SHROOM4: variants seen among roughly 807,000 people sequenced by gnomAD.
The protein encoded by SHROOM4 is shroom family member 4, also known as protein Shroom4.
Under a neutral mutation model 80.3 loss-of-function variants are expected in SHROOM4, and 17 were observed. The ratio of observed to expected loss-of-function variants is 0.21; its 90% confidence interval spans 0.14 to 0.32. The LOEUF (loss-of-function observed/expected upper bound fraction) is 0.32. Among genes scored for constraint, SHROOM4 ranks in the 10% least tolerant of loss-of-function variants. The pLI is 1.00. For synonymous variants in SHROOM4, 400 were observed against 437.5 expected (o/e 0.91, Z 1.07); for missense variants, 993 against 1,140.3 (o/e 0.87, Z 1.86).
At chrX:50,621,166 T>C (rs182976680) in intron 5 of SHROOM4, among the ~76,000 whole-genome samples, 71 of 112,166 alleles carry the variant, frequency 6.3e-4, no homozygotes, top group Non-Finnish European at 1.7e-4. Context: ...CATATTGATA[T>C]CTAAAATTCC....
chrX:50,696,441 C>A (rs1451170235), intron 1 of SHROOM4, among the ~76,000 whole-genome samples: 1 of 111,636 alleles, frequency 9.0e-6, no homozygotes, highest in Non-Finnish European at 1.9e-5. Context: ...TGTCTCAATT[C>A]CCTCCTACGT....
At chrX:50,581,498 C>T in the SHROOM4 span, among the ~76,000 whole-genome samples, 3 of 111,365 alleles carry the variant, frequency 2.7e-5, no homozygotes, top group African/African-American at 9.8e-5. Flanking sequence ...CACTTATAGA[C>T]ACCAAGGAGG....
chrX:50,630,671 T>G (rs1931019139), intron 4 of SHROOM4, among the ~76,000 whole-genome samples: 1 of 112,117 alleles, frequency 8.9e-6, no homozygotes, highest in Non-Finnish European at 1.9e-5. Flanking sequence ...ATTAACATTT[T>G]GATATATTTG....
At chrX:50,625,430 AT>A (rs1930755976) in intron 5 of SHROOM4, among the ~76,000 whole-genome samples, 2 of 112,044 alleles carry the variant, frequency 1.8e-5, no homozygotes, top group Non-Finnish European at 3.8e-5. Context: ...GACACACAAA[AT>A]TACATCTACA....
intron 6 of SHROOM4, among the ~76,000 whole-genome samples, chrX:50,603,522 G>C (rs1929530137): frequency 9.0e-6 from 1 of 111,209 alleles, no homozygotes; most frequent in African/African-American, 3.3e-5. Flanking sequence ...CAGGACTTCA[G>C]CCTGAAAAGG....
At chrX:50,733,747 A>G (rs1557266471) in intron 1 of SHROOM4, among the ~76,000 whole-genome samples, 1 of 112,351 alleles carries the variant, frequency 8.9e-6, no homozygotes, top group Admixed American at 9.5e-5. Flanking sequence ...AATCCACTCA[A>G]CATTGTACTA....
intron 1 of SHROOM4, among the ~76,000 whole-genome samples, chrX:50,753,018 G>A (rs1934955332): frequency 8.9e-6 from 1 of 111,750 alleles, no homozygotes; most frequent in African/African-American, 3.3e-5. Flanking sequence ...GAGTGTCTTG[G>A]GAGAATAGAC....
intron 1 of SHROOM4, among the ~76,000 whole-genome samples, chrX:50,783,245 T>G (rs1557270792): frequency 8.9e-6 from 1 of 111,849 alleles, no homozygotes; most frequent in Non-Finnish European, 1.9e-5. Context: ...ATAAAACTAA[T>G]GTATATAAAT....
At chrX:50,618,677 C>T (rs1557251411) in intron 5 of SHROOM4, among the ~76,000 whole-genome samples, 1 of 111,437 alleles carries the variant, frequency 9.0e-6, no homozygotes, top group African/African-American at 3.3e-5. Context: ...CGTGAGCCAC[C>T]GCACCCAGTC....
chrX:50,608,362 C>A (rs782372208), intron 5 of SHROOM4, among the ~76,000 whole-genome samples, 178 bp from the exon 6 acceptor site: 1 of 111,868 alleles, frequency 8.9e-6, no homozygotes, highest in South Asian at 3.8e-4. Flanking sequence ...ACTGAGCACA[C>A]ACTAAATACT....
intron 1 of SHROOM4, among the ~76,000 whole-genome samples, chrX:50,768,389 A>G (rs999302693): frequency 8.9e-6 from 1 of 112,124 alleles, no homozygotes; most frequent in African/African-American, 3.2e-5. Context: ...ACAAAACAAA[A>G]CACTCAGAAG....
intron 5 of SHROOM4, among the ~76,000 whole-genome samples, chrX:50,609,036 G>A (rs1439228008): frequency 9.0e-6 from 1 of 111,693 alleles, no homozygotes; most frequent in Non-Finnish European, 1.9e-5. Flanking sequence ...GCTGAGGTGT[G>A]TAGATCACTT....
Position 50,607,810 on chromosome X carries a change from T to A in SHROOM4, c.3332A>T (p.Lys1111Met), listed in dbSNP as rs782682527. 8.3e-7 allele frequency: 1 copy of A among 1,209,372 alleles called. No individual in the cohort carries two copies. Among genetic ancestry groups the A allele is most frequent in the Non-Finnish European group, 1.1e-6 (1 of 894,166 alleles). The change falls in exon 6 of 9, where the codon AAG (lysine) becomes ATG (methionine). Residue 1111 changes from lysine to methionine, a missense_variant. Coordinates refer to ENST00000376020, the MANE Select transcript of SHROOM4 (RefSeq NM_020717.5). ...CTGGGCTGCACGAAAGAGCCTGTACTTCTCCCAGTTGGGAGGAGGAGGGCG... is the reference window on the plus strand; with the variant it reads ...CTGGGCTGCACGAAAGAGCCTGTACATCTCCCAGTTGGGAGGAGGAGGGCG... ...PPRPPPPNWE[K>M]YRLFRAAQQQ... is the part of the protein sequence containing the mutation.
chrX:50,736,784 G>T (rs1934504495), intron 1 of SHROOM4, among the ~76,000 whole-genome samples: 2 of 111,856 alleles, frequency 1.8e-5, no homozygotes, highest in African/African-American at 6.5e-5. Flanking sequence ...TGGGTCAAAT[G>T]GTACTTCTGC....
chrX:50,783,560 A>G, intron 1 of SHROOM4, among the ~76,000 whole-genome samples: 1 of 109,961 alleles, frequency 9.1e-6, no homozygotes, highest in East Asian at 2.8e-4. Context: ...TTAAATAGAA[A>G]TTGACAAGTC....
At chrX:50,674,620 A>G (rs1456984406) in intron 2 of SHROOM4, among the ~76,000 whole-genome samples, 2 of 111,897 alleles carry the variant, frequency 1.8e-5, no homozygotes, top group Non-Finnish European at 3.8e-5. Flanking sequence ...GTAAATGTAA[A>G]ACTATAAATA....
intron 1 of SHROOM4, among the ~76,000 whole-genome samples, chrX:50,774,674 A>G (rs1489307441): frequency 1.3e-5 from 1 of 79,283 alleles, no homozygotes; most frequent in South Asian, 4.8e-4. Context: ...AAAGATTTAG[A>G]AAAAAAAAAA....
At chrX:50,654,117 C>A (rs181183615) in intron 2 of SHROOM4, among the ~76,000 whole-genome samples, 1 of 111,833 alleles carries the variant, frequency 8.9e-6, no homozygotes, top group African/African-American at 3.2e-5. Context: ...TAATAGAGGG[C>A]AGCTGCTTAA....
At chrX:50,645,651 C>T (rs1357468921) in intron 2 of SHROOM4, among the ~76,000 whole-genome samples, 1 of 111,747 alleles carries the variant, frequency 8.9e-6, no homozygotes, top group African/African-American at 3.3e-5. Flanking sequence ...GAAACTTGAG[C>T]GGTTTAGCCA....
Sources: allele counts gnomAD v4.1 joint callset (sites outside exome capture counted in the v4.1 genomes callset), GRCh38; gene constraint gnomAD v4.1.1; transcripts MANE v1.5; gene names NCBI Gene and HGNC (gene_info 2026-07-23, HGNC 2026-07-21).